Variants in DAB1 observed in about 807,000 individuals in gnomAD.
DAB1 encodes the protein DAB adaptor protein 1, also known as disabled homolog 1.
DAB1 carries 15 observed loss-of-function variants against 64.6 expected under a neutral mutation model. That is an observed-to-expected ratio of 0.23 (90% CI 0.16 to 0.36). The LOEUF (loss-of-function observed/expected upper bound fraction) is 0.36. DAB1 is among the 10% of genes least tolerant of loss of function. The pLI is 1.00. For missense variants in DAB1, 596 were observed against 706.7 expected, an observed-to-expected ratio of 0.84 and a Z score of 1.78; for synonymous variants, 235 against 251.9, an observed-to-expected ratio of 0.93 and a Z score of 0.64.
chr1:58,220,814 TG>T (rs1659120619), intron 4 of DAB1, among the ~76,000 whole-genome samples: 2 of 151,970 alleles, frequency 1.3e-5, no homozygotes, highest in Admixed American at 1.3e-4. Context: ...AAGTCCTCTT[TG>T]GTAAGAATTT....
chr1:57,852,207 GC>G (rs1653558880), intron 1 of DAB1, among the ~76,000 whole-genome samples: 2 of 152,108 alleles, frequency 1.3e-5, no homozygotes, highest in Non-Finnish European at 2.9e-5. Flanking sequence ...TAGGTGTCCT[GC>G]CCTGTTCCCT....
At chr1:58,435,748 G>A (rs1644936698) in intron 3 of DAB1, among the ~76,000 whole-genome samples, 1 of 152,174 alleles carries the variant, frequency 6.6e-6, no homozygotes, top group South Asian at 2.1e-4. Context: ...CCAGCCTTGT[G>A]CCCTGTCACT....
At chr1:58,093,556 G>C (rs769445035) in intron 5 of DAB1, among the ~76,000 whole-genome samples, 5 of 152,068 alleles carry the variant, frequency 3.3e-5, no homozygotes, top group African/African-American at 4.8e-5. Flanking sequence ...CTGATGGTTT[G>C]AGGTGGAACA....
chr1:57,979,985 G>A (rs17116623), intron 5 of DAB1, among the ~76,000 whole-genome samples: 2,920 of 152,090 alleles, frequency 0.019, 51 homozygotes, highest in East Asian at 0.039. Context: ...TTTTGACCTT[G>A]CCTGACCAGT....
intron 6 of DAB1, among the ~76,000 whole-genome samples, chr1:57,805,807 C>G (rs1441405875): frequency 6.6e-6 from 1 of 152,122 alleles, no homozygotes; most frequent in African/African-American, 2.4e-5. Context: ...CTCCTTTATG[C>G]TTAGTCCCTC....
At chr1:57,532,665 G>C (rs552245384) in intron 7 of DAB1, among the ~76,000 whole-genome samples, 1 of 152,152 alleles carries the variant, frequency 6.6e-6, no homozygotes, top group Non-Finnish European at 1.5e-5. Flanking sequence ...AAGCATAGCA[G>C]AGTGAGAGCA....
intron 2 of DAB1, among the ~76,000 whole-genome samples, chr1:57,154,432 T>C (rs1358598532): frequency 6.6e-6 from 1 of 152,248 alleles, no homozygotes; most frequent in African/African-American, 2.4e-5. Flanking sequence ...TCTTTATCCA[T>C]TCATCTGTTG....
chr1:57,315,542 A>C lies in DAB1; in HGVS notation c.-136-24376T>G, dbSNP rs545867319. On this transcript the variant is annotated intron_variant, in intron 1 of 14. Coordinates refer to ENST00000371236, the MANE Select transcript of DAB1 (RefSeq NM_001365792.1). ...TTCTGCGACGGAGTCTCGCTCTGTC[A>C]CCCAGGCTGGAGTGCAGTGGTGCGA... Among the ~76,000 whole-genome samples, 393 of 152,260 alleles carry C rather than the reference A, an allele frequency of 2.6e-3. 1 individual carries two copies. The highest frequency in any genetic ancestry group is 8.6e-3 in the African/African-American group (358 of 41,564).
intron 7 of DAB1, among the ~76,000 whole-genome samples, chr1:57,476,833 T>C (rs1643944807): frequency 6.6e-6 from 1 of 152,154 alleles, no homozygotes; most frequent in Non-Finnish European, 1.5e-5. Flanking sequence ...AGAGGAGCTG[T>C]TCAATTTAAT....
At chr1:57,788,029 A>G (rs1389919687) in intron 6 of DAB1, among the ~76,000 whole-genome samples, 1 of 152,164 alleles carries the variant, frequency 6.6e-6, no homozygotes, top group East Asian at 1.9e-4. Context: ...GATGAAGAAC[A>G]TCTGGAGCAA....
At chr1:57,745,866 T>A (rs6682192) in intron 6 of DAB1, among the ~76,000 whole-genome samples, 1 of 152,034 alleles carries the variant, frequency 6.6e-6, no homozygotes, top group African/African-American at 2.4e-5. Flanking sequence ...ATATCTTTAA[T>A]AGTCTATTAT....
At chr1:58,441,892 A>AC (rs1216721129) in intron 3 of DAB1, among the ~76,000 whole-genome samples, 4 of 151,760 alleles carry the variant, frequency 2.6e-5, no homozygotes, top group African/African-American at 7.3e-5. Flanking sequence ...TCTGACTGGG[A>AC]CCCCCCCAGA....
intron 11 of DAB1, among the ~76,000 whole-genome samples, chr1:57,017,845 C>T (rs577223746): frequency 6.6e-6 from 1 of 152,140 alleles, no homozygotes; most frequent in South Asian, 2.1e-4. Context: ...ATGAAGAATC[C>T]GGCAACTCTG....
intron 3 of DAB1, among the ~76,000 whole-genome samples, chr1:58,499,970 A>G (rs548379940): frequency 1.3e-5 from 2 of 152,284 alleles, no homozygotes; most frequent in East Asian, 1.9e-4. Flanking sequence ...AAAAGAAGAA[A>G]AAAATGGACA....
At position 57,035,629 on chromosome 1, in the gene DAB1, T is replaced by C. The variant is rs1027241889; in HGVS notation, c.724-9586A>G. 2.0e-4 allele frequency among the ~76,000 whole-genome samples: 30 copies of C among 152,174 alleles called. 1 individual carries two copies. The highest frequency in any genetic ancestry group is 5.2e-4 in the Admixed American group (8 of 15,276). On this transcript the variant is annotated intron_variant, in intron 9 of 14. Transcript: ENST00000371236. ...CGTCAGGCCATGGATGTGCTGGCCATGTAACCCTTGACAAGTCAATTAACC... is the reference window on the plus strand; with the variant it reads ...CGTCAGGCCATGGATGTGCTGGCCACGTAACCCTTGACAAGTCAATTAACC...
At chr1:57,003,936 G>T (rs899555344) in intron 14 of DAB1, among the ~76,000 whole-genome samples, 2 of 152,140 alleles carry the variant, frequency 1.3e-5, no homozygotes, top group African/African-American at 4.8e-5. Flanking sequence ...TGCCAGCTCT[G>T]ATCTGCTTTT....
chr1:57,433,412 G>T (rs1370711053), intron 7 of DAB1, among the ~76,000 whole-genome samples: 1 of 151,440 alleles, frequency 6.6e-6, no homozygotes, highest in African/African-American at 2.4e-5. Context: ...ATTTTTTTTT[G>T]AAAAGTGACA....
intron 4 of DAB1, chr1:58,228,685 A>T (rs1466722233): frequency 8.8e-7 from 1 of 1,132,652 alleles, no homozygotes; most frequent in Non-Finnish European, 1.3e-6. Context: ...GTGAGGGCTC[A>T]GTACCTCTTA....
chr1:57,654,708 CTAA>C (rs1240339097), intron 6 of DAB1, among the ~76,000 whole-genome samples: 1 of 132,812 alleles, frequency 7.5e-6, no homozygotes, highest in African/African-American at 2.9e-5. Flanking sequence ...TTTTAAATAA[CTAA>C]CTGTTTCATT....
Sources: allele counts gnomAD v4.1 joint callset (sites outside exome capture counted in the v4.1 genomes callset), GRCh38; gene constraint gnomAD v4.1.1; transcripts MANE v1.5; gene names NCBI Gene and HGNC (gene_info 2026-07-23, HGNC 2026-07-21).